SHANK2: variants seen among roughly 807,000 people sequenced by gnomAD.
SHANK2 encodes the protein SH3 and multiple ankyrin repeat domains protein 2.
Under a neutral mutation model 133.7 loss-of-function variants are expected in SHANK2, and 43 were observed. The ratio of observed to expected loss-of-function variants is 0.32; its 90% CI spans 0.25 to 0.41. The LOEUF is 0.41. Among genes scored for constraint, SHANK2 ranks in the 10% least tolerant of loss-of-function variants. The pLI, the probability that SHANK2 is intolerant of heterozygous loss-of-function variation, is 1.00. For missense variants in SHANK2, 1,994 were observed against 2,235.8 expected (o/e 0.89, Z 2.18); for synonymous variants, 1,017 against 952.8 (o/e 1.07, Z -1.24).
chr11:70,509,087 C>T (rs558410691), intron 17 of SHANK2, among the ~76,000 whole-genome samples: 1 of 152,356 alleles, frequency 6.6e-6, no homozygotes, highest in South Asian at 2.1e-4. Flanking sequence ...TCTCAAACTT[C>T]TTGTCTCCAG....
At chr11:71,067,073 G>A (rs1951072761) in intron 9 of SHANK2, among the ~76,000 whole-genome samples, 1 of 152,208 alleles carries the variant, frequency 6.6e-6, no homozygotes, top group African/African-American at 2.4e-5. Flanking sequence ...AACCAAGCCA[G>A]CCACCCACCA....
At chr11:70,652,234 G>A (rs1360453749) in intron 17 of SHANK2, among the ~76,000 whole-genome samples, 5 of 152,352 alleles carry the variant, frequency 3.3e-5, no homozygotes, top group African/African-American at 1.2e-4. Context: ...GGACTTTGGA[G>A]GCTGGCGGGT....
At chr11:70,711,319 C>T (rs1945778001) in intron 14 of SHANK2, among the ~76,000 whole-genome samples, 2 of 152,230 alleles carry the variant, frequency 1.3e-5, no homozygotes, top group Admixed American at 1.3e-4. Context: ...CCCAGTGCTG[C>T]ACCCGAACGC....
chr11:70,850,124 C>G (rs112699977), intron 11 of SHANK2, among the ~76,000 whole-genome samples: 21 of 152,280 alleles, frequency 1.4e-4, no homozygotes, highest in African/African-American at 2.9e-4. Flanking sequence ...CAGTTTCTTT[C>G]ACTCAGCACA....
At chr11:70,879,050 C>A (rs1182662964) in intron 11 of SHANK2, among the ~76,000 whole-genome samples, 1 of 152,198 alleles carries the variant, frequency 6.6e-6, no homozygotes, top group Non-Finnish European at 1.5e-5. Flanking sequence ...TTGGTGGACT[C>A]CTTGGTCAGG....
chr11:71,128,027 C>T (rs1555103060), intron 3 of SHANK2, among the ~76,000 whole-genome samples: 1 of 152,226 alleles, frequency 6.6e-6, no homozygotes, highest in Non-Finnish European at 1.5e-5. Context: ...ATGTCATCTC[C>T]CTGGCCTCCT....
intron 14 of SHANK2, among the ~76,000 whole-genome samples, chr11:70,755,555 G>C (rs193101988): frequency 6.6e-6 from 1 of 152,194 alleles, no homozygotes; most frequent in African/African-American, 2.4e-5. Context: ...CCCCAGCCCC[G>C]GCCCCGGCCT....
At chr11:70,942,017 A>G (rs1180635820) in intron 10 of SHANK2, among the ~76,000 whole-genome samples, 4 of 151,890 alleles carry the variant, frequency 2.6e-5, no homozygotes, top group African/African-American at 9.7e-5. Context: ...GTGAAACCCC[A>G]TCTCTACTAA....
intron 17 of SHANK2, among the ~76,000 whole-genome samples, chr11:70,581,563 T>A (rs1018717832): frequency 6.6e-6 from 1 of 152,144 alleles, no homozygotes; most frequent in East Asian, 1.9e-4. Flanking sequence ...TGGTGGCACG[T>A]GCCTGTAATC....
At chr11:70,765,836 CTT>C (rs150171054) in intron 14 of SHANK2, among the ~76,000 whole-genome samples, 13,051 of 152,216 alleles carry the variant, frequency 0.086, 725 homozygotes, top group South Asian at 0.27. Context: ...CTTCCCAACA[CTT>C]TTCTTGAATG....
intron 2 of SHANK2, among the ~76,000 whole-genome samples, chr11:71,171,317 G>A (rs187341590): frequency 6.6e-6 from 1 of 152,260 alleles, no homozygotes; most frequent in African/African-American, 2.4e-5. Context: ...ACTCAATCCA[G>A]GTCCTAAGCC....
At chr11:71,155,462 C>T (rs1203093923) in intron 2 of SHANK2, among the ~76,000 whole-genome samples, 2 of 151,410 alleles carry the variant, frequency 1.3e-5, no homozygotes, top group African/African-American at 4.9e-5. Flanking sequence ...GGTGGACCTA[C>T]CCCTGCCCAC....
At chr11:70,749,298 C>T (rs1555036956) in intron 14 of SHANK2, among the ~76,000 whole-genome samples, 1 of 152,158 alleles carries the variant, frequency 6.6e-6, no homozygotes, top group African/African-American at 2.4e-5. Context: ...CCAGGCTGAC[C>T]CCGAAGCACG....
At chr11:71,061,105 G>A (rs1403602802) in intron 9 of SHANK2, among the ~76,000 whole-genome samples, 3 of 152,390 alleles carry the variant, frequency 2.0e-5, no homozygotes, top group Non-Finnish European at 4.4e-5. Flanking sequence ...GGTCCACACT[G>A]TGGGAGGTGC....
chr11:71,237,584 C>T (rs956433718), intron 1 of SHANK2, among the ~76,000 whole-genome samples: 4 of 152,180 alleles, frequency 2.6e-5, no homozygotes, highest in Non-Finnish European at 4.4e-5. Flanking sequence ...ATCACAAAGC[C>T]GAGGGCTGCA....
chr11:70,563,971 G>A (rs1415489456), intron 17 of SHANK2, among the ~76,000 whole-genome samples: 1 of 152,044 alleles, frequency 6.6e-6, no homozygotes, highest in Non-Finnish European at 1.5e-5. Context: ...ATTTGTCCAC[G>A]ATCTGCTCAC....
intron 11 of SHANK2, among the ~76,000 whole-genome samples, chr11:70,839,136 T>C (rs1401167061): frequency 6.6e-6 from 1 of 152,250 alleles, no homozygotes; most frequent in Non-Finnish European, 1.5e-5. Context: ...TTTATAATTA[T>C]ATTTAATACA....
chr11:70,500,517 T>C lies in SHANK2; in HGVS notation c.2308+53A>G. On this transcript the variant is annotated intron_variant, in intron 21 of 25. Coordinates refer to ENST00000601538, the MANE Select transcript of SHANK2 (RefSeq NM_012309.5). The surrounding 1 kb of genome is among the most constrained non-coding windows in gnomAD (Gnocchi z 4.5). ...ACGGCATCACAAAGGATGTTTCTGT[T>C]CCACAGGGGGGTGATGGGCAGGGGG... is the stretch of plus-strand genomic sequence containing the variant. The C allele has an allele frequency of 6.3e-7, 1 of 1,582,076 alleles. No homozygotes were observed.
At chr11:70,700,763 C>T (rs1390559511) in intron 14 of SHANK2, among the ~76,000 whole-genome samples, 3 of 152,148 alleles carry the variant, frequency 2.0e-5, no homozygotes, top group African/African-American at 7.2e-5. Flanking sequence ...CTCAGGATCC[C>T]GGGGATGGGG....
Sources: gnomAD v4.1 joint callset for allele counts (sites outside exome capture counted in the v4.1 genomes callset) on GRCh38, gnomAD v4.1.1 for gene constraint, Gnocchi (gnomAD v3.1) non-coding constraint, MANE v1.5 for transcripts, NCBI Gene and HGNC (gene_info 2026-07-23, HGNC 2026-07-21) for gene names.